Variants in AUTS2 observed in about 807,000 individuals in gnomAD.
AUTS2 encodes activator of transcription and developmental regulator AUTS2.
In AUTS2, 17 loss-of-function variants were observed where a neutral mutation model predicts 112.4. The ratio of observed to expected loss-of-function variants is 0.15; its 90% CI spans 0.10 to 0.23. The LOEUF (loss-of-function observed/expected upper bound fraction) is 0.23, where lower values mean the gene tolerates loss of function less well. AUTS2 is among the 10% of genes least tolerant of loss of function. AUTS2 has a pLI of 1.00. For missense variants in AUTS2, 1,510 were observed against 1,701.6 expected (o/e 0.89, Z 1.98); for synonymous variants, 751 against 702.7 (o/e 1.07, Z -1.09).
chr7:70,088,586 C>CTTGT (rs560294028), intron 2 of AUTS2, among the ~76,000 whole-genome samples: 123 of 148,524 alleles, frequency 8.3e-4, no homozygotes, highest in East Asian at 2.6e-3. Context: ...TGAGACCCAC[C>CTTGT]TTGTTTGTTT....
At chr7:70,399,058 C>T (rs187773386) in intron 4 of AUTS2, among the ~76,000 whole-genome samples, 106 of 150,482 alleles carry the variant, frequency 7.0e-4, no homozygotes, top group African/African-American at 2.1e-3. Flanking sequence ...GCGATCATAG[C>T]TCACTGCCTC....
intron 1 of AUTS2, among the ~76,000 whole-genome samples, chr7:69,796,358 A>G (rs962280502): frequency 3.9e-5 from 6 of 152,116 alleles, no homozygotes; most frequent in African/African-American, 1.2e-4. Context: ...TTCTCTACCA[A>G]ACAAACAAAC....
At chr7:69,711,809 T>C (rs1466837840) in intron 1 of AUTS2, among the ~76,000 whole-genome samples, 1 of 152,194 alleles carries the variant, frequency 6.6e-6, no homozygotes, top group African/African-American at 2.4e-5. Flanking sequence ...GAAATGACTA[T>C]CCACAAAGTG....
intron 3 of AUTS2, among the ~76,000 whole-genome samples, chr7:70,132,062 A>G (rs1398804332): frequency 6.6e-6 from 1 of 151,790 alleles, no homozygotes; most frequent in African/African-American, 2.4e-5. Context: ...GGAAATGTCA[A>G]TGCCATGGAC....
At chr7:70,068,315 C>T (rs1441242535) in intron 2 of AUTS2, among the ~76,000 whole-genome samples, 1 of 151,448 alleles carries the variant, frequency 6.6e-6, no homozygotes, top group Non-Finnish European at 1.5e-5. Flanking sequence ...GTAGCTGAGA[C>T]TACAGGCACC....
At chr7:70,541,209 T>G (rs1464202990) in intron 5 of AUTS2, among the ~76,000 whole-genome samples, 1 of 152,174 alleles carries the variant, frequency 6.6e-6, no homozygotes, top group Non-Finnish European at 1.5e-5. Flanking sequence ...CCCTGCATCC[T>G]TCTAATTGCC....
chr7:70,583,104 C>A (rs1802525659), intron 5 of AUTS2, among the ~76,000 whole-genome samples: 2 of 152,210 alleles, frequency 1.3e-5, no homozygotes, highest in African/African-American at 4.8e-5. Context: ...TTGGGGCCGC[C>A]CCTGGCTGGT....
intron 1 of AUTS2, among the ~76,000 whole-genome samples, chr7:69,751,177 G>T (rs1787722142): frequency 6.6e-6 from 1 of 152,112 alleles, no homozygotes; most frequent in South Asian, 2.1e-4. Context: ...ACATTTCCCT[G>T]AGCCTTTCAT....
At chr7:69,780,268 A>G (rs1789090434) in intron 1 of AUTS2, among the ~76,000 whole-genome samples, 1 of 152,216 alleles carries the variant, frequency 6.6e-6, no homozygotes, top group Non-Finnish European at 1.5e-5. Flanking sequence ...AAAAAATTGC[A>G]CTCTAAGAAT....
At chr7:70,713,754 G>A (rs890142619) in intron 6 of AUTS2, among the ~76,000 whole-genome samples, 1 of 152,174 alleles carries the variant, frequency 6.6e-6, no homozygotes, top group African/African-American at 2.4e-5. Context: ...AATTAGCCGG[G>A]CGTGGTGGCG....
intron 1 of AUTS2, among the ~76,000 whole-genome samples, chr7:69,623,087 AGTG>A (rs1749192969): frequency 6.6e-6 from 1 of 152,344 alleles, no homozygotes; most frequent in South Asian, 2.1e-4. Context: ...TGCCTTGTGC[AGTG>A]GTTTCTAAAC....
intron 2 of AUTS2, among the ~76,000 whole-genome samples, chr7:70,108,467 A>G (rs76927274): frequency 0.019 from 2,952 of 152,170 alleles, 109 homozygotes; most frequent in African/African-American, 0.068. Flanking sequence ...ACCCAACATC[A>G]TCTAACTTCA....
At chr7:69,922,845 T>A (rs575173805) in intron 2 of AUTS2, among the ~76,000 whole-genome samples, 21 of 152,312 alleles carry the variant, frequency 1.4e-4, no homozygotes, top group African/African-American at 5.1e-4. Flanking sequence ...TGTACACCAT[T>A]TTGAATATTT....
chr7:70,280,427 G>A (rs1294253000), intron 4 of AUTS2, among the ~76,000 whole-genome samples: 2 of 149,998 alleles, frequency 1.3e-5, no homozygotes, highest in Non-Finnish European at 3.0e-5. Context: ...GGGATTATAG[G>A]TGCCCGCCAC....
chr7:70,684,387 C>T (rs1327794078), intron 5 of AUTS2, among the ~76,000 whole-genome samples: 1 of 152,142 alleles, frequency 6.6e-6, no homozygotes, highest in African/African-American at 2.4e-5. Flanking sequence ...TATAGACAGC[C>T]TTACCATGAC....
intron 4 of AUTS2, among the ~76,000 whole-genome samples, chr7:70,342,657 G>A (rs1179677282): frequency 6.6e-6 from 1 of 152,004 alleles, no homozygotes; most frequent in Non-Finnish European, 1.5e-5. Flanking sequence ...GACCCATGTG[G>A]CTAATGGCTA....
chr7:70,428,430 A>G (rs996773763), intron 4 of AUTS2, among the ~76,000 whole-genome samples: 2 of 152,190 alleles, frequency 1.3e-5, no homozygotes, highest in African/African-American at 4.8e-5. Context: ...AATAAGTGTC[A>G]TGTTTTCTGC....
chr7:70,150,839 G>T (rs563286028), intron 4 of AUTS2, among the ~76,000 whole-genome samples: 2 of 152,208 alleles, frequency 1.3e-5, no homozygotes, highest in East Asian at 3.9e-4. Context: ...GAAAAGAGTT[G>T]GGCTTTCAGT....
At position 69,984,294 on chromosome 7, in the gene AUTS2, C is replaced by T. The variant is rs566251734; in HGVS notation, c.522+84796C>T. 2.6e-5 allele frequency among the ~76,000 whole-genome samples: 4 copies of T among 151,312 alleles called. No individual in the cohort carries two copies. In the South Asian group the frequency reaches 8.4e-4, roughly 32 times the overall value. On this transcript the variant is annotated intron_variant, in intron 2 of 18. Transcript: ENST00000342771. ...TGGTGGCAGGCGCCTGTAGTCCCAG[C>T]TACTTGGGAGGCTGAGGCAGGAGAA... is the stretch of plus-strand genomic sequence containing the variant.
Sources: allele counts gnomAD v4.1 joint callset (sites outside exome capture counted in the v4.1 genomes callset), GRCh38; gene constraint gnomAD v4.1.1; transcripts MANE v1.5; gene names NCBI Gene and HGNC (gene_info 2026-07-23, HGNC 2026-07-21).